Variants in CA5A observed in about 807,000 individuals in gnomAD.
CA5A encodes carbonic anhydrase 5A.
CA5A carries 28 observed loss-of-function variants against 37.1 expected under a neutral mutation model. The observed-to-expected ratio is 0.75, with a 90% CI of 0.56 to 1.03. The LOEUF is 1.03. Ranked by LOEUF, CA5A falls within the 50% of genes least tolerant of loss-of-function variation. The probability of loss-of-function intolerance (pLI) is 0.00; values close to 1 mark genes in which losing one functional copy is unlikely to be tolerated. For missense variants in CA5A, 444 were observed against 399.9 expected (o/e 1.11, Z -0.94); for synonymous variants, 171 against 158.4 (o/e 1.08, Z -0.60).
intron 5 of CA5A, among the ~76,000 whole-genome samples, chr16:87,899,042 G>A (rs1219412916): frequency 1.3e-5 from 2 of 152,056 alleles, no homozygotes; most frequent in South Asian, 4.2e-4. Flanking sequence ...GGCTACTGTG[G>A]ATGTTTAATA....
In CA5A at chr16:87,913,724, C is replaced by T. The variant is rs1032026305; in HGVS notation, c.341-8820G>A. ...CCCTCCTCCTCCACCCCACACTGCC[C>T]GAGCACCTCACCTCCCAGTGACTGA... On this transcript the variant is annotated intron_variant, in intron 2 of 6. Transcript: ENST00000649794. 6.6e-5 allele frequency among the ~76,000 whole-genome samples: 10 copies of T among 151,918 alleles called. No homozygotes were observed. The South Asian group carries it at 1.7e-3, about 25-fold the overall frequency.
chr16:87,904,813 T>G lies in CA5A; in HGVS notation c.432A>C (p.Thr144=). 6.2e-7 allele frequency: 1 copy of G among 1,611,960 alleles called. No individual in the cohort carries two copies. Among genetic ancestry groups the G allele is most frequent in the Non-Finnish European group, 8.5e-7 (1 of 1,178,046 alleles). Residue 144 remains threonine (T), a synonymous_variant, in exon 3 of 7, where the codon ACA becomes ACC. Transcript: ENST00000649794. ...GAVNEGGSEH[T]VDGHAYPAEL... ...CTGCGGGGTACGCGTGGCCGTCCAC[T>G]GTGTGCTCTGAGCCCCCCTCGTTCA... is the stretch of plus-strand genomic sequence containing the variant.
chr16:87,888,141 G>A lies in CA5A; in HGVS notation c.906C>T (p.Gly302=), dbSNP rs745640191. 8.1e-6 allele frequency: 13 copies of A among 1,613,018 alleles called. No homozygotes were observed. In the African/African-American group the frequency reaches 1.6e-4, roughly 20 times the overall value. ...VWASFQATNE[G]TRS The stretch of plus-strand genomic sequence containing the variant: ...GGACCTAATGTCTCTAGGACCTTGT[G>A]CCCTCATTAGTGGCCTGGAAGGACG... The change falls in exon 7 of 7, where the codon GGC becomes GGT. Residue 302 remains glycine (G), a synonymous_variant. Coordinates refer to ENST00000649794, the MANE Select transcript of CA5A (RefSeq NM_001739.2).
intron 2 of CA5A, among the ~76,000 whole-genome samples, chr16:87,923,330 AG>A (rs1567533749): frequency 1.3e-5 from 2 of 152,184 alleles, no homozygotes; most frequent in Admixed American, 1.3e-4. Flanking sequence ...CTGGAACCAC[AG>A]GTGTGCGCCA....
chr16:87,924,233 A>G, intron 2 of CA5A: 5 of 985,344 alleles, frequency 5.1e-6, no homozygotes, highest in Non-Finnish European at 3.6e-6. Flanking sequence ...TGCTGCTGGC[A>G]CTCAGCAAGC....
At chr16:87,897,468 T>C (rs1278381472) in intron 5 of CA5A, among the ~76,000 whole-genome samples, 1 of 148,424 alleles carries the variant, frequency 6.7e-6, no homozygotes, top group Non-Finnish European at 1.5e-5. Context: ...GCTGAGTGCA[T>C]AGTGACAGGT....
chr16:87,932,429 C>T (rs1037613994), intron 1 of CA5A, among the ~76,000 whole-genome samples: 2 of 152,100 alleles, frequency 1.3e-5, no homozygotes, highest in African/African-American at 2.4e-5. Flanking sequence ...ATGAAACACC[C>T]GCATTGAACT....
chr16:87,926,409 A>T (rs1273646386), intron 2 of CA5A, among the ~76,000 whole-genome samples: 2 of 151,982 alleles, frequency 1.3e-5, no homozygotes, highest in African/African-American at 2.4e-5. Context: ...TCCTCTTCCG[A>T]CGCGCAAAGT....
At chr16:87,892,655 A>AAAATTT (rs1567515129) in intron 5 of CA5A, among the ~76,000 whole-genome samples, 1 of 149,514 alleles carries the variant, frequency 6.7e-6, no homozygotes, top group African/African-American at 2.5e-5. Context: ...TACATAACAT[A>AAAATTT]AAATTTACCA....
chr16:87,891,785 C>G lies in CA5A; in HGVS notation c.774+14G>C. ...CCATGAAGCGCCATCGTGCCAGTTA[C>G]GGGCACGGCTCACCTGGCTTGGGGC... On this transcript the variant is annotated intron_variant, in intron 6 of 6. Coordinates refer to ENST00000649794, the MANE Select transcript of CA5A (RefSeq NM_001739.2). 6.7e-7 allele frequency: 1 copy of G among 1,484,848 alleles called. No homozygotes were observed. Among genetic ancestry groups the G allele is most frequent in the Non-Finnish European group, 8.9e-7 (1 of 1,120,744 alleles). 92.0% of individuals were successfully genotyped at this position (1,484,848 alleles called of 1,614,324 possible). A position where few individuals can be genotyped will look rare whatever the true frequency, so the allele number is the denominator to read the frequency against.
chr16:87,928,345 G>A (rs2056343194), intron 1 of CA5A, among the ~76,000 whole-genome samples: 2 of 152,082 alleles, frequency 1.3e-5, no homozygotes, highest in African/African-American at 4.8e-5. Flanking sequence ...TTCATTTTTT[G>A]TAGAGACGAG....
At chr16:87,891,550 C>T (rs924119066) in intron 6 of CA5A, among the ~76,000 whole-genome samples, 2 of 152,032 alleles carry the variant, frequency 1.3e-5, no homozygotes, top group African/African-American at 4.8e-5. Flanking sequence ...CCCATGGATG[C>T]CTCGTGTGTC....
intron 2 of CA5A, among the ~76,000 whole-genome samples, chr16:87,912,686 G>A (rs114671281): frequency 6.6e-6 from 1 of 152,252 alleles, no homozygotes; most frequent in Non-Finnish European, 1.5e-5. Context: ...AGAGGTGAGA[G>A]TGTGGGCTTT....
At chr16:87,898,369 C>T (rs1474216557) in intron 5 of CA5A, among the ~76,000 whole-genome samples, 1 of 152,208 alleles carries the variant, frequency 6.6e-6, no homozygotes, top group East Asian at 1.9e-4. Context: ...AGCCTGAGGC[C>T]ACCATGGCCC....
rs1422677078 is a variant in CA5A at position 87,926,809 on chromosome 16, C to T, written c.279G>A (p.Leu93=). 2.5e-6 allele frequency: 4 copies of T among 1,614,194 alleles called. No individual in the cohort carries two copies. The highest frequency in any genetic ancestry group is 2.5e-6 in the Non-Finnish European group (3 of 1,180,008). Residue 93 remains leucine (L), a synonymous_variant, in exon 2 of 7, where the codon CTG becomes CTA. Transcript: ENST00000649794. ...AGAGGTAGCCAGTGTTCCAGATGTA[C>T]AGGCAGGATGCCGCTTCATAGGAGA... The part of the protein sequence containing the change: ...LRVSYEAASC[L]YIWNTGYLFQ...
In CA5A at chr16:87,888,093, A is replaced by G. The variant is rs1336420806; in HGVS notation, c.*36T>C. 6.5e-7 allele frequency: 1 copy of G among 1,546,434 alleles called. No homozygotes were observed. Among genetic ancestry groups the G allele is most frequent in the African/African-American group, 1.4e-5 (1 of 72,610 alleles). On this transcript the variant is annotated 3_prime_UTR_variant, in exon 7 of 7. Transcript: ENST00000649794. ...TTGGGAAACAACGCTTCCTTCCTTC[A>G]AAGTCAGTTCTGCTATTCATGTGGA...
intron 2 of CA5A, among the ~76,000 whole-genome samples, chr16:87,905,404 G>C (rs2055945623): frequency 6.6e-6 from 1 of 152,150 alleles, no homozygotes; most frequent in South Asian, 2.1e-4. Context: ...CTATTGCCCA[G>C]GCTGGAGTAC....
rs1391715924 is a variant in CA5A at position 87,891,890 on chromosome 16, C to T, written c.683G>A (p.Trp228Ter). The change falls in exon 6 of 7, where the codon TGG becomes TAG. Residue 228 changes from tryptophan to a stop codon, truncating the protein, a stop_gained. Transcript: ENST00000649794. LOFTEE classifies it high-confidence loss of function. ...GGTGGTGAGCGAGCCCGCGTAGGTC[C>T]AGTAATCCCAGCAGGTGGGCAGCAG... ...STLLPTCWDYWTYAGSLTTPP... is the reference protein window; with the variant it reads ...STLLPTCWDY 1.3e-6 allele frequency: 2 copies of T among 1,572,842 alleles called. No homozygotes were observed. Among genetic ancestry groups the T allele is most frequent in the African/African-American group, 2.7e-5 (2 of 73,116 alleles).
chr16:87,932,325 C>T lies in CA5A; in HGVS notation c.142+3984G>A, dbSNP rs567338201. On this transcript the variant is annotated intron_variant, in intron 1 of 6. Transcript: ENST00000649794. The stretch of plus-strand genomic sequence containing the variant: ...AGGAGGTGCTCATCTAGACCAGAGA[C>T]GCAGGCTTCCCTGGCTCACAGAGAC... Among the ~76,000 whole-genome samples, 286 of 152,286 alleles carry T rather than the reference C, an allele frequency of 1.9e-3. 1 individual carries two copies. Among genetic ancestry groups the T allele is most frequent in the Non-Finnish European group, 2.7e-3 (184 of 68,016 alleles).
Sources: gnomAD v4.1 joint callset for allele counts (sites outside exome capture counted in the v4.1 genomes callset) on GRCh38, gnomAD v4.1.1 for gene constraint, MANE v1.5 for transcripts, NCBI Gene and HGNC (gene_info 2026-07-23, HGNC 2026-07-21) for gene names.